Variants in FANCD2 observed in about 807,000 individuals in gnomAD.
The protein encoded by FANCD2 is FA complementation group D2, also known as Fanconi anemia group D2 protein.
A neutral mutation model predicts 192.3 loss-of-function variants in FANCD2; 131 were observed. That is an observed-to-expected ratio of 0.68 (90% CI 0.59 to 0.79). The LOEUF (loss-of-function observed/expected upper bound fraction) is 0.79. Ranked by LOEUF, FANCD2 falls within the 30% of genes least tolerant of loss-of-function variation. The pLI is 0.00. For missense variants in FANCD2, 1,508 were observed against 1,701.6 expected, an observed-to-expected ratio of 0.89 and a Z score of 2.00; for synonymous variants, 524 against 612.5, an observed-to-expected ratio of 0.86 and a Z score of 2.13.
intron 26 of FANCD2, among the ~76,000 whole-genome samples, chr3:10,072,118 A>G (rs9836605): frequency 3.3e-5 from 5 of 152,162 alleles, no homozygotes; most frequent in Non-Finnish European, 7.3e-5. Flanking sequence ...CTTACTGTAC[A>G]TTTAAAAATA....
chr3:10,043,165 C>G lies in FANCD2; in HGVS notation c.989+15C>G, dbSNP rs1363482548. 1 of 1,603,810 alleles carries G rather than the reference C, an allele frequency of 6.2e-7. No homozygotes were observed. Among genetic ancestry groups the G allele is most frequent in the Non-Finnish European group, 8.5e-7 (1 of 1,170,846 alleles). ...GGACGAGCAAGGTAAAGAGCTCATC[C>G]TCACACAGGATGTCACAATTTTCTG... is the stretch of plus-strand genomic sequence containing the variant. On this transcript the variant is annotated intron_variant, in intron 12 of 43. Transcript: ENST00000675286.
chr3:10,094,407 G>T, intron 40 of FANCD2, 44 bp downstream of exon 40: 1 of 1,518,522 alleles, frequency 6.6e-7, no homozygotes. Context: ...CTGAAGAGTT[G>T]CTCAGAAGAT....
intron 38 of FANCD2, 146 bp downstream of exon 38, chr3:10,092,398 A>T: frequency 1.4e-6 from 1 of 732,706 alleles, no homozygotes; most frequent in Non-Finnish European, 2.4e-6. Context: ...TTGTCCCCCT[A>T]CCCATCCTGG....
chr3:10,061,891 G>A lies in FANCD2; in HGVS notation c.1767-260G>A, dbSNP rs35513300. Among the ~76,000 whole-genome samples the A allele has an allele frequency of 0.036, 5,218 of 144,858 alleles. 126 individuals carry two copies. Among genetic ancestry groups the A allele is most frequent in the African/African-American group, 0.061 (2,425 of 39,556 alleles). On this transcript the variant is annotated intron_variant, in intron 19 of 43. Transcript: ENST00000675286. ...TCTGTGTTTTTACCAAACACCGCAT[G>A]TTCTCACTCATAGGTGGTAATTGAA...
chr3:10,054,370 T>TATATGTATATAC (rs1559383048), intron 18 of FANCD2, among the ~76,000 whole-genome samples: 2 of 87,090 alleles, frequency 2.3e-5, no homozygotes, highest in African/African-American at 7.9e-5. Flanking sequence ...TATATATACG[T>TATATGTATATAC]GTATATACAT....
intron 34 of FANCD2, 76 bp from the exon 35 acceptor site, chr3:10,088,373 C>A (rs1329140272): frequency 1.1e-6 from 1 of 898,112 alleles, no homozygotes; most frequent in Non-Finnish European, 1.9e-6. Flanking sequence ...GATCAATAAT[C>A]ATCCTCAAAA....
rs2087531536 is a variant in FANCD2 at position 10,060,390 on chromosome 3, A to G, written c.1753A>G (p.Met585Val). Residue 585 changes from methionine (M) to valine (V), a missense_variant, in exon 19 of 44, where the codon ATG becomes GTG. By Grantham distance (21) the Met-to-Val change is conservative. This residue lies in a region of FANCD2 where 110 missense variants were observed against 114.4 expected (regional missense o/e 0.96). Coordinates refer to ENST00000675286, the MANE Select transcript of FANCD2 (RefSeq NM_001018115.3). The part of the protein sequence containing the change: ...IIGAVTMAGI[M>V]AADRSESPSL... Reference sequence around the variant, plus strand: ...TGGTGCTGTGACCATGGCTGGCATCATGGCGGCAGACAGGTACACGTGGAG... The same window carrying G: ...TGGTGCTGTGACCATGGCTGGCATCGTGGCGGCAGACAGGTACACGTGGAG... 1 of 1,613,746 alleles carries G rather than the reference A, an allele frequency of 6.2e-7. No homozygotes were observed. Among genetic ancestry groups the G allele is most frequent in the Non-Finnish European group, 8.5e-7 (1 of 1,179,692 alleles).
chr3:10,041,643 C>G lies in FANCD2; in HGVS notation c.716C>G (p.Thr239Ser), dbSNP rs563068808. The G allele has an allele frequency of 1.1e-5, 17 of 1,613,278 alleles. No individual in the cohort carries two copies. Among genetic ancestry groups the G allele is most frequent in the Non-Finnish European group, 1.4e-5 (17 of 1,179,474 alleles). ...CACAGTGACCTACTGATAGAGAATA[C>G]TTCACTCACTGTCCCAATCCTGGAT... ...KELSDLLIEN[T>S]SLTVPILDVL... The change falls in exon 10 of 44, where the codon ACT becomes AGT. Residue 239 changes from threonine to serine, a missense_variant. Transcript: ENST00000675286.
intron 27 of FANCD2, 108 bp from the exon 28 acceptor site, chr3:10,073,145 C>G: frequency 3.2e-6 from 3 of 939,090 alleles, no homozygotes; most frequent in Non-Finnish European, 5.1e-6. Flanking sequence ...ATAAAATTAC[C>G]TCTTCTACCT....
intron 20 of FANCD2, among the ~76,000 whole-genome samples, 159 bp downstream of exon 20, chr3:10,062,370 A>ACT (rs2087595795): frequency 1.3e-5 from 2 of 151,746 alleles, no homozygotes; most frequent in South Asian, 4.2e-4. Flanking sequence ...CCTCCAGAGT[A>ACT]GCTGGGATTA....
rs1693831303 is a variant in FANCD2 at position 10,081,480 on chromosome 3, G to T, written c.3224+16G>T. The T allele has an allele frequency of 1.3e-6, 2 of 1,530,720 alleles. No homozygotes were observed. The highest frequency in any genetic ancestry group is 9.1e-7 in the Non-Finnish European group (1 of 1,103,974). 94.8% of individuals were successfully genotyped at this position (1,530,720 alleles called of 1,614,324 possible). A position where few individuals can be genotyped will look rare whatever the true frequency, so the allele number is the denominator to read the frequency against. ...TTTTTGCTTGGTAAGTATGTGGGAA[G>T]TGTGGAGAGAACTGAGTATATACTT... On this transcript the variant is annotated intron_variant, in intron 32 of 43. Coordinates refer to ENST00000675286, the MANE Select transcript of FANCD2 (RefSeq NM_001018115.3).
intron 11 of FANCD2, among the ~76,000 whole-genome samples, 174 bp from the exon 12 acceptor site, chr3:10,042,876 A>G (rs535519043): frequency 1.6e-4 from 25 of 152,334 alleles, no homozygotes; most frequent in Admixed American, 1.3e-3. Flanking sequence ...AATTTTGGGT[A>G]TGATGTTCTA....
intron 29 of FANCD2, among the ~76,000 whole-genome samples, chr3:10,075,767 G>A (rs1336748367): frequency 5.4e-5 from 7 of 129,882 alleles, no homozygotes; most frequent in East Asian, 4.6e-4. Flanking sequence ...GTCTCGCTGC[G>A]TTGCACAGGC....
chr3:10,080,959 A>G, intron 30 of FANCD2, 141 bp from the exon 31 acceptor site: 1 of 881,078 alleles, frequency 1.1e-6, no homozygotes, highest in Non-Finnish European at 1.8e-6. Flanking sequence ...CCTCTGTCAG[A>G]ATACAGTCTT....
chr3:10,030,900 C>CA (rs111338639), intron 2 of FANCD2, among the ~76,000 whole-genome samples: 34,378 of 145,058 alleles, frequency 0.24, 5,095 homozygotes, highest in African/African-American at 0.44. Flanking sequence ...ACTCTTATCT[C>CA]AAAAAAAAAA....
intron 9 of FANCD2, chr3:10,040,506 T>C (rs1324319094): frequency 4.4e-6 from 2 of 456,720 alleles, no homozygotes; most frequent in Non-Finnish European, 8.8e-6. Context: ...TTGTGGAGCC[T>C]ATTAAACATC....
chr3:10,064,642 T>A, intron 22 of FANCD2, 87 bp from the exon 23 acceptor site: 1 of 1,386,962 alleles, frequency 7.2e-7, no homozygotes, highest in Non-Finnish European at 1.0e-6. Context: ...CATGATGTTG[T>A]GTTTGAAATT....
intron 9 of FANCD2, chr3:10,041,088 G>A (rs1454759168): frequency 5.9e-6 from 1 of 168,144 alleles, no homozygotes; most frequent in Non-Finnish European, 1.3e-5. Context: ...TAGCTACTCA[G>A]GAGGCTGAGA....
intron 29 of FANCD2, among the ~76,000 whole-genome samples, chr3:10,075,210 T>C (rs576875108): frequency 6.7e-6 from 1 of 149,390 alleles, no homozygotes; most frequent in South Asian, 2.1e-4. Flanking sequence ...TGAGATGGAG[T>C]CTCTCTCTGT....
Sources: allele counts gnomAD v4.1 joint callset (sites outside exome capture counted in the v4.1 genomes callset), GRCh38; gene constraint gnomAD v4.1.1; regional missense constraint gnomAD v4.1.1; transcripts MANE v1.5; gene names NCBI Gene and HGNC (gene_info 2026-07-23, HGNC 2026-07-21).